Variants in TFPI observed in about 807,000 individuals in gnomAD.
TFPI encodes tissue factor pathway inhibitor, also known as anti-convertin.
A neutral mutation model predicts 34.6 loss-of-function variants in TFPI; 15 were observed. The ratio of observed to expected loss-of-function variants is 0.43; its 90% CI spans 0.29 to 0.67. The LOEUF (loss-of-function observed/expected upper bound fraction) is 0.67, where lower values mean the gene tolerates loss of function less well. TFPI is among the 30% of genes least tolerant of loss of function. The pLI, the probability that TFPI is intolerant of heterozygous loss-of-function variation, is 0.15. For missense variants in TFPI, 301 were observed against 364.0 expected (o/e 0.83, Z 1.41); for synonymous variants, 105 against 120.1 (o/e 0.87, Z 0.82).
intron 1 of TFPI, among the ~76,000 whole-genome samples, chr2:187,534,283 T>C (rs750558348): frequency 1.3e-5 from 2 of 152,096 alleles, no homozygotes; most frequent in Non-Finnish European, 2.9e-5. Context: ...TCAACAAGGT[T>C]GAAATGAAGG....
intron 3 of TFPI, among the ~76,000 whole-genome samples, chr2:187,488,937 C>G (rs1487704449): frequency 6.6e-6 from 1 of 151,424 alleles, no homozygotes; most frequent in Non-Finnish European, 1.5e-5. Flanking sequence ...TCATTTCCCT[C>G]TAAAACTGGA....
rs1691711494 is a variant in TFPI, at chr2:187,466,153, A to AT, written c.*782dup. ...AAGAAAAAATATTGGGAAGCATAGT[A>AT]TTAAGAAGTACATATAAATAATTCC... On this transcript the variant is annotated 3_prime_UTR_variant, in exon 8 of 8. Coordinates refer to ENST00000233156, the MANE Select transcript of TFPI (RefSeq NM_006287.6). 1 of 152,210 alleles carries AT rather than the reference A, an allele frequency of 6.6e-6. No individual in the cohort carries two copies. Among genetic ancestry groups the AT allele is most frequent in the African/African-American group, 2.4e-5 (1 of 41,456 alleles). The allele number at this position is 152,210 out of a possible 1,614,324, so 9.4% of individuals were successfully genotyped here. A position where few individuals can be genotyped will look rare whatever the true frequency, so the allele number is the denominator to read the frequency against.
chr2:187,498,079 A>G (rs995308066), intron 2 of TFPI, among the ~76,000 whole-genome samples: 1 of 151,898 alleles, frequency 6.6e-6, no homozygotes, highest in African/African-American at 2.4e-5. Flanking sequence ...CAGCAGTATT[A>G]TATTGAATTA....
intron 1 of TFPI, among the ~76,000 whole-genome samples, chr2:187,546,455 A>C (rs1444026173): frequency 4.6e-5 from 7 of 152,060 alleles, no homozygotes; most frequent in Admixed American, 3.3e-4. Flanking sequence ...AAAAGTTAGC[A>C]TTACATATCT....
chr2:187,472,408 T>C (rs1692096862), intron 6 of TFPI, among the ~76,000 whole-genome samples: 1 of 152,208 alleles, frequency 6.6e-6, no homozygotes, highest in South Asian at 2.1e-4. Flanking sequence ...ATTAGAATTA[T>C]GCAAAATCTA....
intron 1 of TFPI, among the ~76,000 whole-genome samples, chr2:187,540,171 AGGATTACAGGC>A (rs1688499398): frequency 6.6e-6 from 1 of 152,032 alleles, no homozygotes; most frequent in Non-Finnish European, 1.5e-5. Flanking sequence ...CCAAAGTGCT[AGGATTACAGGC>A]GTGAGTCACC....
intron 1 of TFPI, 89 bp from the exon 2 acceptor site, chr2:187,503,859 A>G (rs1686018262): frequency 2.1e-6 from 3 of 1,424,878 alleles, no homozygotes; most frequent in Admixed American, 4.3e-5. Context: ...TGTACCTCAT[A>G]TGCAAATTTC....
intron 6 of TFPI, 84 bp downstream of exon 6, chr2:187,484,040 A>C: frequency 9.3e-7 from 1 of 1,079,062 alleles, no homozygotes; most frequent in Admixed American, 2.1e-5. Context: ...TATATATTTA[A>C]AGACATACTT....
chr2:187,476,167 A>G (rs1364022931), intron 6 of TFPI, among the ~76,000 whole-genome samples: 1 of 152,166 alleles, frequency 6.6e-6, no homozygotes, highest in Admixed American at 6.6e-5. Flanking sequence ...CCATGTGATC[A>G]TATCTGCACT....
chr2:187,469,780 T>A (rs1472208034), intron 6 of TFPI, among the ~76,000 whole-genome samples: 1 of 152,160 alleles, frequency 6.6e-6, no homozygotes, highest in Non-Finnish European at 1.5e-5. Flanking sequence ...ATGGTGAGAA[T>A]GTGTGCTAGA....
chr2:187,481,881 C>A (rs957545436), intron 6 of TFPI, among the ~76,000 whole-genome samples: 3 of 151,836 alleles, frequency 2.0e-5, no homozygotes, highest in Non-Finnish European at 4.4e-5. Flanking sequence ...ATATTGTTTT[C>A]TTTTAAATTC....
chr2:187,552,341 C>A (rs1689126487), intron 1 of TFPI, among the ~76,000 whole-genome samples: 1 of 151,824 alleles, frequency 6.6e-6, no homozygotes, highest in African/African-American at 2.4e-5. Context: ...TGCCATCCTG[C>A]CCACTTACCT....
intron 2 of TFPI, 23 bp downstream of exon 2, chr2:187,503,625 G>T (rs148336347): frequency 1.2e-6 from 2 of 1,607,198 alleles, no homozygotes; most frequent in Non-Finnish European, 1.7e-6. Context: ...AGCTTAAAAA[G>T]ATAATTGCTT....
intron 1 of TFPI, among the ~76,000 whole-genome samples, chr2:187,510,769 A>G (rs1187242908): frequency 6.6e-6 from 1 of 152,068 alleles, no homozygotes; most frequent in Admixed American, 6.6e-5. Context: ...TGCTTGCTCA[A>G]TCAATCACGA....
intron 1 of TFPI, among the ~76,000 whole-genome samples, chr2:187,542,186 A>G (rs1020148590): frequency 2.0e-5 from 3 of 152,194 alleles, no homozygotes; most frequent in Admixed American, 6.5e-5. Flanking sequence ...GCTGTAAGAA[A>G]AGTAAAATAA....
chr2:187,531,624 C>G (rs566562056), intron 1 of TFPI, among the ~76,000 whole-genome samples: 3 of 151,838 alleles, frequency 2.0e-5, no homozygotes, highest in Admixed American at 6.6e-5. Context: ...CTATGTCAAC[C>G]AAAAATTTTA....
chr2:187,516,176 G>A (rs960516445), intron 1 of TFPI: 52 of 152,184 alleles, frequency 3.4e-4, no homozygotes, highest in Admixed American at 3.3e-3. Context: ...AAATAGACTA[G>A]CCCTAGACTA....
intron 1 of TFPI, chr2:187,520,673 G>A (rs1239685970): frequency 6.6e-6 from 1 of 152,074 alleles, no homozygotes; most frequent in African/African-American, 2.4e-5. Flanking sequence ...GGAGAATTAT[G>A]GTCCCTATCC....
rs1248043044 is a variant in TFPI at position 187,465,480 on chromosome 2, A to G, written c.*1456T>C. The G allele has an allele frequency of 2.8e-5, 4 of 145,328 alleles. No homozygotes were observed. The highest frequency in any genetic ancestry group is 6.0e-5 in the Non-Finnish European group (4 of 66,352). The allele number at this position is 145,328 out of a possible 1,614,324, so 9.0% of individuals were successfully genotyped here. A position where few individuals can be genotyped will look rare whatever the true frequency, so the allele number is the denominator to read the frequency against. On this transcript the variant is annotated 3_prime_UTR_variant, in exon 8 of 8. Transcript: ENST00000233156. ...ACCCTGTCTAAAAAAACATAACAAA[A>G]CAAAACAAAATGAAAAAAAAAAAAA...
Sources: gnomAD v4.1 joint callset for allele counts (sites outside exome capture counted in the v4.1 genomes callset) on GRCh38, gnomAD v4.1.1 for gene constraint, MANE v1.5 for transcripts, NCBI Gene and HGNC (gene_info 2026-07-23, HGNC 2026-07-21) for gene names.